The following GABBR2 variants were observed in gnomAD, a reference collection of about 807,000 sequenced individuals.
The protein encoded by GABBR2 is G-protein coupled receptor 51.
In GABBR2, 23 loss-of-function variants were observed where a neutral mutation model predicts 105.6. The observed-to-expected ratio is 0.22, with a 90% CI of 0.16 to 0.31. The LOEUF (loss-of-function observed/expected upper bound fraction) is 0.31, where lower values mean the gene tolerates loss of function less well. GABBR2 is among the 10% of genes least tolerant of loss of function. The pLI is 1.00. For synonymous variants in GABBR2, 478 were observed against 499.7 expected (o/e 0.96, Z 0.58); for missense variants, 734 against 1,245.5 (o/e 0.59, Z 6.18).
intron 5 of GABBR2, among the ~76,000 whole-genome samples, chr9:98,479,063 T>G (rs1826855420): frequency 6.6e-6 from 1 of 152,198 alleles, no homozygotes; most frequent in African/African-American, 2.4e-5. Flanking sequence ...TTTATGAGTT[T>G]TGGAGTAAAA....
chr9:98,626,213 G>A (rs1426869916), intron 1 of GABBR2, among the ~76,000 whole-genome samples: 7 of 152,236 alleles, frequency 4.6e-5, no homozygotes, highest in Non-Finnish European at 8.8e-5. Flanking sequence ...GAGACAGAAA[G>A]TAGATTGGCT....
intron 7 of GABBR2, among the ~76,000 whole-genome samples, chr9:98,429,104 AACTC>A (rs1451082154): frequency 6.9e-6 from 1 of 144,880 alleles, no homozygotes; most frequent in Non-Finnish European, 1.5e-5. Context: ...TTAAATTAAA[AACTC>A]ACCCAGGTTT....
intron 11 of GABBR2, 24 bp from the exon 12 acceptor site, chr9:98,371,595 G>A (rs777092899): frequency 7.7e-7 from 1 of 1,296,912 alleles, no homozygotes; most frequent in Non-Finnish European, 1.1e-6. Context: ...GAAAACAGAG[G>A]CATTGACCTT....
At chr9:98,297,439 C>T (rs188185398) in intron 17 of GABBR2, among the ~76,000 whole-genome samples, 77 of 145,850 alleles carry the variant, frequency 5.3e-4, no homozygotes, top group East Asian at 2.3e-3. Flanking sequence ...GGTGAAACCC[C>T]GTCTCTACTA....
At chr9:98,558,331 G>A (rs1169879097) in intron 2 of GABBR2, among the ~76,000 whole-genome samples, 1 of 152,202 alleles carries the variant, frequency 6.6e-6, no homozygotes, top group Non-Finnish European at 1.5e-5. Flanking sequence ...AACCTATGCC[G>A]TATCACCAGT....
intron 1 of GABBR2, among the ~76,000 whole-genome samples, chr9:98,684,586 G>A (rs868390040): frequency 1.3e-5 from 2 of 152,210 alleles, no homozygotes; most frequent in Non-Finnish European, 1.5e-5. Context: ...AAGTCCAACC[G>A]AAACTGCTCA....
At chr9:98,685,265 C>T (rs1351193116) in intron 1 of GABBR2, among the ~76,000 whole-genome samples, 1 of 152,246 alleles carries the variant, frequency 6.6e-6, no homozygotes, top group Non-Finnish European at 1.5e-5. Flanking sequence ...TTGGCAGGGG[C>T]TCTCAGGCCT....
intron 3 of GABBR2, among the ~76,000 whole-genome samples, chr9:98,506,299 T>C (rs1455755413): frequency 6.6e-6 from 1 of 152,146 alleles, no homozygotes; most frequent in Non-Finnish European, 1.5e-5. Context: ...ACGTGTCAGC[T>C]CCAGGAGGGA....
intron 13 of GABBR2, among the ~76,000 whole-genome samples, chr9:98,340,482 A>G (rs1401414424): frequency 6.6e-6 from 1 of 150,412 alleles, no homozygotes; most frequent in Admixed American, 6.6e-5. Flanking sequence ...CTAGTCTTGA[A>G]CTCCTAGGCT....
chr9:98,497,897 T>C (rs1045937708), intron 3 of GABBR2, among the ~76,000 whole-genome samples: 4 of 152,164 alleles, frequency 2.6e-5, no homozygotes, highest in Admixed American at 6.5e-5. Context: ...CCCAAAAGAA[T>C]TGGAAGCAGG....
chr9:98,439,224 G>A (rs1053293670), intron 7 of GABBR2, among the ~76,000 whole-genome samples: 4 of 152,120 alleles, frequency 2.6e-5, no homozygotes, highest in African/African-American at 4.8e-5. Context: ...ACCAGCTACC[G>A]TGGTTCCTTC....
chr9:98,514,337 C>T lies in GABBR2; in HGVS notation c.631-17823G>A, dbSNP rs1247823543. Among the ~76,000 whole-genome samples, 12 of 123,206 alleles carry T rather than the reference C, an allele frequency of 9.7e-5. 1 individual carries two copies. Among genetic ancestry groups the T allele is most frequent in the South Asian group, 2.6e-4 (1 of 3,830 alleles). The allele number at this position is 123,206 out of a possible 152,430, so 80.8% of individuals were successfully genotyped here. A position where few individuals can be genotyped will look rare whatever the true frequency, so the allele number is the denominator to read the frequency against. ...AGTTAGTGGGTGCAGCACACCAGCA[C>T]GGCACATGTATACATATGTAACTAA... On this transcript the variant is annotated intron_variant, in intron 3 of 18. Transcript: ENST00000259455.
chr9:98,669,919 T>C (rs1216812042), intron 1 of GABBR2, among the ~76,000 whole-genome samples: 1 of 151,300 alleles, frequency 6.6e-6, no homozygotes, highest in Admixed American at 6.6e-5. Context: ...AGCTCGAATC[T>C]TAACAAGGTA....
chr9:98,607,956 C>A (rs1829453187), intron 1 of GABBR2: 1 of 1,331,198 alleles, frequency 7.5e-7, no homozygotes, highest in Non-Finnish European at 1.1e-6. Context: ...TGAAGCTGAG[C>A]TCCAGCGGCA....
At chr9:98,327,285 G>A (rs758812051) in intron 13 of GABBR2, among the ~76,000 whole-genome samples, 2 of 152,056 alleles carry the variant, frequency 1.3e-5, no homozygotes, top group African/African-American at 4.8e-5. Flanking sequence ...TCAAACCTCT[G>A]CCTCCAGTCT....
chr9:98,487,512 T>C (rs967882525), intron 4 of GABBR2, among the ~76,000 whole-genome samples: 1 of 152,132 alleles, frequency 6.6e-6, no homozygotes, highest in South Asian at 2.1e-4. Flanking sequence ...CAGTGGCTCA[T>C]GCCTGTAATC....
chr9:98,705,611 C>A (rs1830882778), intron 1 of GABBR2, among the ~76,000 whole-genome samples: 1 of 152,192 alleles, frequency 6.6e-6, no homozygotes, highest in African/African-American at 2.4e-5. Flanking sequence ...ACAAAGACAG[C>A]CAATCTGAAT....
chr9:98,377,177 G>A (rs1831889912), intron 11 of GABBR2, among the ~76,000 whole-genome samples: 1 of 151,900 alleles, frequency 6.6e-6, no homozygotes, highest in Non-Finnish European at 1.5e-5. Flanking sequence ...CAGGACTGGA[G>A]GTTGGGGAGC....
chr9:98,340,814 C>A (rs1831198987), intron 13 of GABBR2, among the ~76,000 whole-genome samples: 1 of 152,176 alleles, frequency 6.6e-6, no homozygotes, highest in Non-Finnish European at 1.5e-5. Context: ...GTATTTCTGC[C>A]AACATGGATG....
Sources: gnomAD v4.1 joint callset for allele counts (sites outside exome capture counted in the v4.1 genomes callset) on GRCh38, gnomAD v4.1.1 for gene constraint, MANE v1.5 for transcripts, NCBI Gene and HGNC (gene_info 2026-07-23, HGNC 2026-07-21) for gene names.